PTDSS1: variants seen among roughly 807,000 people sequenced by gnomAD.
The protein encoded by PTDSS1 is phosphatidylserine synthase 1.
A neutral mutation model predicts 70.5 loss-of-function variants in PTDSS1; 45 were observed. The ratio of observed to expected loss-of-function variants is 0.64; its 90% confidence interval spans 0.50 to 0.82. The LOEUF is 0.82. Among genes scored for constraint, PTDSS1 ranks in the 40% least tolerant of loss-of-function variants. The probability of loss-of-function intolerance (pLI) is 0.00; values close to 1 mark genes in which losing one functional copy is unlikely to be tolerated. For missense variants in PTDSS1, 417 were observed against 586.1 expected (o/e 0.71, Z 2.98); for synonymous variants, 188 against 203.8 (o/e 0.92, Z 0.66).
intron 5 of PTDSS1, among the ~76,000 whole-genome samples, chr8:96,298,544 C>A (rs1166565245): frequency 2.6e-5 from 4 of 152,112 alleles, no homozygotes; most frequent in Non-Finnish European, 2.9e-5. Flanking sequence ...ACTGTTTCCC[C>A]TTCCTGGAAT....
chr8:96,333,312 G>A (rs561647801), intron 12 of PTDSS1, 145 bp from the exon 13 acceptor site: 925 of 722,162 alleles, frequency 1.3e-3, no homozygotes, highest in Non-Finnish European at 1.9e-3. Flanking sequence ...TGAGAGCCTC[G>A]CCTTCATTTA....
intron 4 of PTDSS1, among the ~76,000 whole-genome samples, chr8:96,290,195 TA>T (rs1810883118): frequency 6.6e-6 from 1 of 152,208 alleles, no homozygotes; most frequent in East Asian, 1.9e-4. Flanking sequence ...TATATAGTTA[TA>T]AAAATAAGTG....
At chr8:96,274,444 AGCC>A (rs1216483713) in intron 2 of PTDSS1, among the ~76,000 whole-genome samples, 4 of 152,142 alleles carry the variant, frequency 2.6e-5, no homozygotes, top group Non-Finnish European at 5.9e-5. Context: ...TAGAAAAAAC[AGCC>A]GGGTGCGGCG....
chr8:96,330,228 CTCTG>C lies in PTDSS1; in HGVS notation c.1195_1198del (p.Leu399ThrfsTer3), dbSNP rs1251777396. The C allele has an allele frequency of 1.1e-5, 18 of 1,613,024 alleles. No homozygotes were observed. Among genetic ancestry groups the C allele is most frequent in the Non-Finnish European group, 1.4e-5 (16 of 1,179,272 alleles). On this transcript the variant is annotated frameshift_variant, in exon 11 of 13. Transcript: ENST00000517309. LOFTEE classifies it high-confidence loss of function. The stretch of plus-strand genomic sequence containing the variant: ...TCTCTTCCAGGCTTTCACCACTTTC[CTCTG>C]TCTGTACGGCATGATTTGGTATGCA...
intron 2 of PTDSS1, among the ~76,000 whole-genome samples, chr8:96,281,337 G>T (rs1810733266): frequency 6.6e-6 from 1 of 152,120 alleles, no homozygotes. Context: ...TTATGACAAG[G>T]CTCACACTCG....
chr8:96,320,590 G>A (rs907436546), intron 10 of PTDSS1, among the ~76,000 whole-genome samples: 3 of 152,094 alleles, frequency 2.0e-5, no homozygotes, highest in African/African-American at 7.2e-5. Context: ...TACACCCCAC[G>A]TGCATTTCCT....
At chr8:96,283,135 C>T (rs746636277) in intron 2 of PTDSS1, among the ~76,000 whole-genome samples, 1 of 152,220 alleles carries the variant, frequency 6.6e-6, no homozygotes, top group Non-Finnish European at 1.5e-5. Flanking sequence ...AGAGCTGTAC[C>T]TACTCCCTTT....
At chr8:96,322,074 C>T (rs1298742326) in intron 10 of PTDSS1, among the ~76,000 whole-genome samples, 1 of 152,056 alleles carries the variant, frequency 6.6e-6, no homozygotes, top group Non-Finnish European at 1.5e-5. Context: ...GAGAACCACC[C>T]GCCCACAGGG....
chr8:96,323,290 G>A (rs1811396976), intron 10 of PTDSS1, among the ~76,000 whole-genome samples: 1 of 152,186 alleles, frequency 6.6e-6, no homozygotes, highest in Admixed American at 6.5e-5. Context: ...CTCTCTGGTG[G>A]CTCCAACCCC....
At chr8:96,332,072 C>T (rs1163304979) in intron 12 of PTDSS1, among the ~76,000 whole-genome samples, 1 of 143,222 alleles carries the variant, frequency 7.0e-6, no homozygotes, top group Non-Finnish European at 1.5e-5. Flanking sequence ...GGAGGAAAAG[C>T]CTTTCAAAAG....
chr8:96,270,599 C>A (rs1236622530), intron 1 of PTDSS1, among the ~76,000 whole-genome samples: 2 of 152,216 alleles, frequency 1.3e-5, no homozygotes, highest in Non-Finnish European at 2.9e-5. Context: ...ACATTGGGGC[C>A]TTTAGTCTGA....
chr8:96,330,725 C>T, intron 11 of PTDSS1: 1 of 413,172 alleles, frequency 2.4e-6, no homozygotes, highest in Non-Finnish European at 4.4e-6. Context: ...GGCTTTAAGA[C>T]ACGATGGCCG....
At position 96,262,171 on chromosome 8, in the gene PTDSS1, C is replaced by A; in HGVS notation, c.131C>A (p.Thr44Asn). The change falls in exon 1 of 13, where the codon ACC (threonine) becomes AAC (asparagine). Residue 44 changes from threonine to asparagine, a missense_variant. Transcript: ENST00000517309. This position sits in a 1 kb window ranked among gnomAD's most constrained non-coding sequence, Gnocchi z 4.4. ...TTCTTCTACCGGCCGCATACCATCA[C>A]CCTGCTCAGCTTCACCATCGTCAGC... is the stretch of plus-strand genomic sequence containing the variant. The part of the protein sequence containing the change: ...IDFFYRPHTI[T>N]LLSFTIVSLM... The A allele has an allele frequency of 6.2e-7, 1 of 1,613,950 alleles. No homozygotes were observed. Among genetic ancestry groups the A allele is most frequent in the Non-Finnish European group, 8.5e-7 (1 of 1,179,826 alleles).
At chr8:96,325,289 A>G (rs1382402449) in intron 10 of PTDSS1, among the ~76,000 whole-genome samples, 1 of 152,322 alleles carries the variant, frequency 6.6e-6, no homozygotes, top group Middle Eastern at 3.4e-3. Flanking sequence ...ACTGCCCTCC[A>G]AGGATCTCTG....
chr8:96,297,207 C>T (rs1450024340), intron 5 of PTDSS1, among the ~76,000 whole-genome samples: 1 of 152,138 alleles, frequency 6.6e-6, no homozygotes, highest in East Asian at 1.9e-4. Flanking sequence ...GAGACGGAGT[C>T]TTGCTTTGTT....
intron 4 of PTDSS1, among the ~76,000 whole-genome samples, chr8:96,293,776 A>G (rs1380107787): frequency 2.0e-5 from 3 of 152,238 alleles, no homozygotes; most frequent in Admixed American, 6.5e-5. Context: ...CTAAAAACAG[A>G]TCTTACCCCT....
At chr8:96,322,505 T>G (rs1366234343) in intron 10 of PTDSS1, among the ~76,000 whole-genome samples, 1 of 152,046 alleles carries the variant, frequency 6.6e-6, no homozygotes, top group Non-Finnish European at 1.5e-5. Context: ...CACGCTCCTG[T>G]GATAACAATC....
At chr8:96,306,226 C>G (rs1472956144) in intron 7 of PTDSS1, among the ~76,000 whole-genome samples, 1 of 152,202 alleles carries the variant, frequency 6.6e-6, no homozygotes, top group African/African-American at 2.4e-5. Flanking sequence ...TGCCCATCCA[C>G]CACCCCTGCC....
intron 2 of PTDSS1, among the ~76,000 whole-genome samples, chr8:96,276,980 GCACACACACACACACA>G (rs57116529): frequency 2.1e-5 from 3 of 146,014 alleles, no homozygotes; most frequent in East Asian, 4.1e-4. Flanking sequence ...GCACGCGCGC[GCACACACACACACACA>G]CACACACACA....
Sources: allele counts gnomAD v4.1 joint callset (sites outside exome capture counted in the v4.1 genomes callset), GRCh38; gene constraint gnomAD v4.1.1; non-coding constraint Gnocchi (gnomAD v3.1); transcripts MANE v1.5; gene names NCBI Gene and HGNC (gene_info 2026-07-23, HGNC 2026-07-21).